Variants in PDE5A observed in about 807,000 individuals in gnomAD.
PDE5A encodes the protein cGMP-specific 3',5'-cyclic phosphodiesterase.
PDE5A carries 67 observed loss-of-function variants against 110.2 expected under a neutral mutation model. The observed-to-expected ratio is 0.61, with a 90% CI of 0.50 to 0.75. The LOEUF (loss-of-function observed/expected upper bound fraction) is 0.75, where lower values mean the gene tolerates loss of function less well. PDE5A is among the 30% of genes least tolerant of loss of function. The pLI is 0.00. For synonymous variants in PDE5A, 328 were observed against 351.2 expected (o/e 0.93, Z 0.74); for missense variants, 862 against 1,045.1 (o/e 0.82, Z 2.42).
intron 9 of PDE5A, chr4:119,551,798 A>C (rs1446227882): frequency 6.6e-6 from 1 of 152,234 alleles, no homozygotes; most frequent in African/African-American, 2.4e-5. Context: ...AGACTTTTAA[A>C]GTTATATTTA....
intron 3 of PDE5A, among the ~76,000 whole-genome samples, chr4:119,577,014 T>G (rs1364210156): frequency 6.6e-6 from 1 of 152,162 alleles, no homozygotes; most frequent in Non-Finnish European, 1.5e-5. Flanking sequence ...AAATCACCAC[T>G]GATCCCAGAG....
At chr4:119,559,532 T>C (rs918452740) in intron 7 of PDE5A, among the ~76,000 whole-genome samples, 5 of 152,296 alleles carry the variant, frequency 3.3e-5, no homozygotes, top group African/African-American at 1.2e-4. Flanking sequence ...AGCCAAAAAG[T>C]AAAATATTCA....
intron 3 of PDE5A, among the ~76,000 whole-genome samples, chr4:119,571,797 CCTCA>C (rs750153131): frequency 6.6e-6 from 1 of 152,128 alleles, no homozygotes; most frequent in African/African-American, 2.4e-5. Context: ...CTATGTAAAT[CCTCA>C]CTGTCTTTGA....
At chr4:119,509,826 C>T (rs1725680936) in intron 15 of PDE5A, among the ~76,000 whole-genome samples, 1 of 152,020 alleles carries the variant, frequency 6.6e-6, no homozygotes, top group Non-Finnish European at 1.5e-5. Flanking sequence ...GTGTGTTCCC[C>T]TCTACCTCAG....
chr4:119,600,360 C>T (rs1729301210), intron 2 of PDE5A, among the ~76,000 whole-genome samples: 1 of 152,020 alleles, frequency 6.6e-6, no homozygotes, highest in Admixed American at 6.6e-5. Flanking sequence ...GAAATAAATA[C>T]AATATAGATG....
chr4:119,504,275 C>T (rs964735227), intron 18 of PDE5A, among the ~76,000 whole-genome samples: 1 of 152,124 alleles, frequency 6.6e-6, no homozygotes, highest in African/African-American at 2.4e-5. Flanking sequence ...CTGCAAAGGA[C>T]ATGACTTGAT....
At chr4:119,511,535 C>T (rs1318944548) in intron 14 of PDE5A, among the ~76,000 whole-genome samples, 1 of 152,042 alleles carries the variant, frequency 6.6e-6, no homozygotes, top group South Asian at 2.1e-4. Flanking sequence ...GTTAGCTTTT[C>T]CTCTGAAATA....
intron 1 of PDE5A, among the ~76,000 whole-genome samples, chr4:119,625,126 T>C (rs1394903709): frequency 2.6e-5 from 4 of 151,950 alleles, no homozygotes; most frequent in Non-Finnish European, 5.9e-5. Context: ...TTCTCCTTAG[T>C]AGCTGGGATT....
intron 9 of PDE5A, among the ~76,000 whole-genome samples, chr4:119,545,617 G>A (rs1370899921): frequency 6.6e-6 from 1 of 152,188 alleles, no homozygotes; most frequent in Non-Finnish European, 1.5e-5. Flanking sequence ...CAGTAGGTCT[G>A]AGAGTTGGTT....
chr4:119,533,934 C>T (rs930126844), intron 11 of PDE5A, among the ~76,000 whole-genome samples: 3 of 152,026 alleles, frequency 2.0e-5, no homozygotes, highest in Admixed American at 6.6e-5. Flanking sequence ...GAACTATACA[C>T]AGTAGTTAGT....
At chr4:119,604,725 C>T (rs994338705) in intron 2 of PDE5A, among the ~76,000 whole-genome samples, 1 of 152,112 alleles carries the variant, frequency 6.6e-6, no homozygotes, top group African/African-American at 2.4e-5. Context: ...CTAGTAGTAC[C>T]ATTATTCATT....
At chr4:119,611,347 G>A (rs1729736072) in intron 1 of PDE5A, among the ~76,000 whole-genome samples, 1 of 152,188 alleles carries the variant, frequency 6.6e-6, no homozygotes, top group South Asian at 2.1e-4. Flanking sequence ...ACCACATACA[G>A]TAGTAGGTCC....
intron 7 of PDE5A, among the ~76,000 whole-genome samples, chr4:119,556,026 G>T (rs1007845260): frequency 6.6e-6 from 1 of 152,194 alleles, no homozygotes; most frequent in Admixed American, 6.5e-5. Flanking sequence ...ACATAGGTTA[G>T]TAACTGTCAT....
At chr4:119,597,831 G>A (rs1729204462) in intron 2 of PDE5A, among the ~76,000 whole-genome samples, 1 of 152,020 alleles carries the variant, frequency 6.6e-6, no homozygotes, top group African/African-American at 2.4e-5. Flanking sequence ...AACTGAGAGG[G>A]CCCAACTTAG....
intron 3 of PDE5A, among the ~76,000 whole-genome samples, chr4:119,581,752 G>A (rs955659124): frequency 6.6e-6 from 1 of 152,146 alleles, no homozygotes; most frequent in African/African-American, 2.4e-5. Context: ...TTCAGACAAT[G>A]GCAATAAAGC....
At chr4:119,600,371 T>C (rs4834787) in intron 2 of PDE5A, among the ~76,000 whole-genome samples, 147,923 of 152,172 alleles carry the variant, frequency 0.97, 72,034 homozygotes, top group East Asian at 1. Flanking sequence ...AATATAGATG[T>C]GTATGTATAT....
At chr4:119,541,205 T>G (rs1431037753) in intron 10 of PDE5A, among the ~76,000 whole-genome samples, 3 of 151,858 alleles carry the variant, frequency 2.0e-5, no homozygotes, top group Non-Finnish European at 4.4e-5. Flanking sequence ...CTTTCCATAA[T>G]AAAACATTTA....
At chr4:119,604,712 T>C (rs1192046710) in intron 2 of PDE5A, among the ~76,000 whole-genome samples, 1 of 152,212 alleles carries the variant, frequency 6.6e-6, no homozygotes, top group Non-Finnish European at 1.5e-5. Context: ...TCGGTATTAC[T>C]CACTAGTAGT....
chr4:119,524,706 A>G (rs962967563), intron 12 of PDE5A, among the ~76,000 whole-genome samples: 1 of 152,162 alleles, frequency 6.6e-6, no homozygotes, highest in Non-Finnish European at 1.5e-5. Context: ...ATTTTCAGAT[A>G]GGAAATCTGT....
Sources: gnomAD v4.1 joint callset for allele counts (sites outside exome capture counted in the v4.1 genomes callset) on GRCh38, gnomAD v4.1.1 for gene constraint, MANE v1.5 for transcripts, NCBI Gene and HGNC (gene_info 2026-07-23, HGNC 2026-07-21) for gene names.